The following SGCD variants were observed in gnomAD, a reference collection of about 807,000 sequenced individuals.
SGCD encodes sarcoglycan delta, also known as delta-sarcoglycan.
A neutral mutation model predicts 36.6 loss-of-function variants in SGCD; 18 were observed. The ratio of observed to expected loss-of-function variants is 0.49; its 90% CI spans 0.34 to 0.73. The LOEUF (loss-of-function observed/expected upper bound fraction) is 0.73. Among genes scored for constraint, SGCD ranks in the 30% least tolerant of loss-of-function variants. The pLI, the probability that SGCD is intolerant of heterozygous loss-of-function variation, is 0.01. For synonymous variants in SGCD, 133 were observed against 130.6 expected (o/e 1.02, Z -0.12); for missense variants, 387 against 346.7 (o/e 1.12, Z -0.92).
chr5:155,747,750 G>T, the SGCD span, among the ~76,000 whole-genome samples: 1 of 152,154 alleles, frequency 6.6e-6, no homozygotes, highest in African/African-American at 2.4e-5. Flanking sequence ...AAATCTTTGA[G>T]TTGTTTTCCT....
chr5:156,491,207 T>C (rs1755922114), intron 3 of SGCD, among the ~76,000 whole-genome samples: 1 of 151,938 alleles, frequency 6.6e-6, no homozygotes, highest in Non-Finnish European at 1.5e-5. Context: ...CATAAGCAAA[T>C]GGAAAAACAT....
At chr5:155,892,717 T>G (rs1756164534) in intron 1 of SGCD, among the ~76,000 whole-genome samples, 1 of 152,234 alleles carries the variant, frequency 6.6e-6, no homozygotes, top group South Asian at 2.1e-4. Context: ...TGCAGATTCA[T>G]ACCTGTCTTG....
chr5:156,288,981 A>G (rs1007382693), intron 3 of SGCD, among the ~76,000 whole-genome samples: 7 of 152,134 alleles, frequency 4.6e-5, no homozygotes, highest in Admixed American at 3.9e-4. Context: ...TATTGGCATT[A>G]GGTAAATTAT....
chr5:155,973,473 A>G (rs1197720368), intron 1 of SGCD, among the ~76,000 whole-genome samples: 5 of 152,204 alleles, frequency 3.3e-5, no homozygotes, highest in Admixed American at 1.3e-4. Context: ...TCTCTAATGA[A>G]TGAAATTTAA....
chr5:156,657,286 T>G (rs1763726241), intron 7 of SGCD, among the ~76,000 whole-genome samples: 1 of 151,994 alleles, frequency 6.6e-6, no homozygotes, highest in South Asian at 2.1e-4. Context: ...AGGGTACATG[T>G]GCACAATGTG....
At chr5:156,371,982 G>A (rs1321448789) in intron 3 of SGCD, among the ~76,000 whole-genome samples, 1 of 152,150 alleles carries the variant, frequency 6.6e-6, no homozygotes, top group Non-Finnish European at 1.5e-5. Context: ...CTCCATCAGG[G>A]TTTATGCCAT....
At chr5:156,447,093 G>A (rs1504934) in intron 3 of SGCD, among the ~76,000 whole-genome samples, 49,190 of 151,950 alleles carry the variant, frequency 0.32, 11,363 homozygotes, top group African/African-American at 0.66. Flanking sequence ...AACACAGGTC[G>A]TTAAAGGTCT....
chr5:156,018,926 T>A (rs1006253300), intron 1 of SGCD, among the ~76,000 whole-genome samples: 2 of 152,230 alleles, frequency 1.3e-5, no homozygotes, highest in African/African-American at 4.8e-5. Context: ...ATTTTAACCA[T>A]GTAATTTTAT....
chr5:156,214,794 C>T (rs1431668802), intron 3 of SGCD, among the ~76,000 whole-genome samples: 9 of 151,934 alleles, frequency 5.9e-5, no homozygotes, highest in South Asian at 2.1e-4. Flanking sequence ...AATAAATCCA[C>T]GCATTTACAG....
intron 7 of SGCD, among the ~76,000 whole-genome samples, chr5:156,697,004 G>A (rs995002510): frequency 6.6e-6 from 1 of 150,644 alleles, no homozygotes; most frequent in African/African-American, 2.4e-5. Flanking sequence ...ACGCTTGAGT[G>A]TCTGGCTATT....
the SGCD span, among the ~76,000 whole-genome samples, chr5:155,769,369 G>C: frequency 4.3e-5 from 6 of 139,588 alleles, no homozygotes; most frequent in African/African-American, 1.6e-4. Context: ...TTTAGAAACA[G>C]CCAAAAAAAA....
At chr5:155,880,986 A>T (rs934029607) in intron 1 of SGCD, among the ~76,000 whole-genome samples, 1 of 152,130 alleles carries the variant, frequency 6.6e-6, no homozygotes, top group African/African-American at 2.4e-5. Flanking sequence ...ATAGAAGTTC[A>T]TATTGTGAGA....
At chr5:155,882,234 C>A (rs936620599) in intron 1 of SGCD, among the ~76,000 whole-genome samples, 2 of 151,832 alleles carry the variant, frequency 1.3e-5, no homozygotes, top group Non-Finnish European at 2.9e-5. Context: ...TGGGTCTACA[C>A]CTGACTTTTT....
At chr5:156,402,569 A>G (rs901314782) in intron 3 of SGCD, among the ~76,000 whole-genome samples, 15 of 152,296 alleles carry the variant, frequency 9.8e-5, no homozygotes, top group African/African-American at 3.1e-4. Context: ...ACCAGTAAGC[A>G]TGTTCTGGGT....
chr5:156,681,702 T>C (rs1330500703), intron 7 of SGCD, among the ~76,000 whole-genome samples: 3 of 152,204 alleles, frequency 2.0e-5, no homozygotes, highest in African/African-American at 7.2e-5. Flanking sequence ...TAGAATGTCA[T>C]GCCAATAAGT....
At chr5:156,608,730 G>T (rs1434104966) in intron 6 of SGCD, among the ~76,000 whole-genome samples, 1 of 152,204 alleles carries the variant, frequency 6.6e-6, no homozygotes, top group African/African-American at 2.4e-5. Context: ...GGGTGCTCCT[G>T]TATTGGGTGC....
the SGCD span, among the ~76,000 whole-genome samples, chr5:155,763,873 C>T: frequency 6.6e-6 from 1 of 151,746 alleles, no homozygotes; most frequent in African/African-American, 2.4e-5. Context: ...CTCTCTCTCT[C>T]TCTCTCTCTC....
chr5:156,438,482 G>T (rs1753344610), intron 3 of SGCD, among the ~76,000 whole-genome samples: 1 of 152,044 alleles, frequency 6.6e-6, no homozygotes, highest in East Asian at 1.9e-4. Context: ...CAGCAGCAAA[G>T]ACAACAGAGC....
intron 7 of SGCD, among the ~76,000 whole-genome samples, chr5:156,742,240 C>T (rs1162599931): frequency 1.3e-5 from 2 of 152,062 alleles, no homozygotes; most frequent in African/African-American, 2.4e-5. Flanking sequence ...CGGAAATACT[C>T]CACCAACCAC....
Sources: gnomAD v4.1 joint callset for allele counts (sites outside exome capture counted in the v4.1 genomes callset) on GRCh38, gnomAD v4.1.1 for gene constraint, MANE v1.5 for transcripts, NCBI Gene and HGNC (gene_info 2026-07-23, HGNC 2026-07-21) for gene names.